Variants in SLC25A21 observed in about 807,000 individuals in gnomAD.
The protein encoded by SLC25A21 is mitochondrial 2-oxodicarboxylate carrier.
SLC25A21 carries 47 observed loss-of-function variants against 43.8 expected under a neutral mutation model. The observed-to-expected ratio is 1.07, with a 90% CI of 0.85 to 1.37. The LOEUF is 1.37. SLC25A21 is among the 40% of genes most tolerant of loss of function. The probability of loss-of-function intolerance (pLI) is 0.00; values close to 1 mark genes in which losing one functional copy is unlikely to be tolerated. For missense variants in SLC25A21, 352 were observed against 350.2 expected, an observed-to-expected ratio of 1.00 and a Z score of -0.04; for synonymous variants, 131 against 121.3, an observed-to-expected ratio of 1.08 and a Z score of -0.52.
chr14:37,072,179 C>CA (rs36060373), intron 1 of SLC25A21, among the ~76,000 whole-genome samples: 29,816 of 78,718 alleles, frequency 0.38, 5,065 homozygotes, highest in East Asian at 0.48. Flanking sequence ...GAGACTGTCT[C>CA]AAAAAAAAAA....
intron 1 of SLC25A21, among the ~76,000 whole-genome samples, chr14:37,170,355 T>C (rs1038718320): frequency 5.9e-5 from 9 of 152,146 alleles, no homozygotes; most frequent in African/African-American, 2.2e-4. Context: ...ACTTTTAACA[T>C]TCTTTGAGTT....
At chr14:36,740,563 A>G (rs2139239246) in intron 3 of SLC25A21, among the ~76,000 whole-genome samples, 1 of 152,328 alleles carries the variant, frequency 6.6e-6, no homozygotes, top group African/African-American at 2.4e-5. Context: ...GCTCACACAT[A>G]GCTTATTTGA....
intron 7 of SLC25A21, among the ~76,000 whole-genome samples, chr14:36,692,847 C>G (rs1001020268): frequency 2.0e-5 from 3 of 152,214 alleles, no homozygotes; most frequent in Middle Eastern, 3.2e-3. Context: ...CATGTCAGCC[C>G]AAATCACATT....
intron 1 of SLC25A21, among the ~76,000 whole-genome samples, chr14:37,123,557 C>T (rs1386473616): frequency 6.6e-6 from 1 of 151,892 alleles, no homozygotes; most frequent in Non-Finnish European, 1.5e-5. Context: ...AATCATATAG[C>T]CAACAAGGTT....
At chr14:36,749,832 T>C (rs1167540369) in intron 3 of SLC25A21, among the ~76,000 whole-genome samples, 2 of 152,210 alleles carry the variant, frequency 1.3e-5, no homozygotes, top group Admixed American at 1.3e-4. Context: ...TTATTCTATT[T>C]AATGTTGCAG....
chr14:36,699,548 C>T (rs1420083860), intron 7 of SLC25A21, among the ~76,000 whole-genome samples: 4 of 152,168 alleles, frequency 2.6e-5, no homozygotes, highest in Non-Finnish European at 4.4e-5. Flanking sequence ...CTATGCCTTA[C>T]CCACAGAGGT....
At chr14:37,021,098 T>C (rs75814745) in intron 1 of SLC25A21, among the ~76,000 whole-genome samples, 3,682 of 152,090 alleles carry the variant, frequency 0.024, 159 homozygotes, top group African/African-American at 0.084. Flanking sequence ...ACCTTATATA[T>C]TACCCTGTTC....
chr14:37,121,798 CAA>C (rs10706578), intron 1 of SLC25A21, among the ~76,000 whole-genome samples: 1 of 151,518 alleles, frequency 6.6e-6, no homozygotes, highest in East Asian at 2.0e-4. Context: ...CAAAAAGAAC[CAA>C]AAAAAAACAA....
chr14:36,877,779 A>T (rs974351886), intron 1 of SLC25A21, among the ~76,000 whole-genome samples: 3 of 152,102 alleles, frequency 2.0e-5, no homozygotes, highest in Non-Finnish European at 4.4e-5. Context: ...GCATTACAGC[A>T]GCCTAGGGTT....
Position 37,161,727 on chromosome 14 carries a change from G to A in SLC25A21, c.70+10554C>T, listed in dbSNP as rs562520910. Among the ~76,000 whole-genome samples, 14 of 152,020 alleles carry A rather than the reference G, an allele frequency of 9.2e-5. 1 individual carries two copies. The highest frequency in any genetic ancestry group is 2.7e-4 in the African/African-American group (11 of 41,492). ...TGTAATCCCAGCGCTTTGGGAGGCC[G>A]AGGCGGGCGAATCACAAGGTCAGGA... On this transcript the variant is annotated intron_variant, in intron 1 of 9. Transcript: ENST00000331299.
At chr14:36,871,610 A>G (rs541271671) in intron 2 of SLC25A21, among the ~76,000 whole-genome samples, 4 of 152,312 alleles carry the variant, frequency 2.6e-5, no homozygotes, top group African/African-American at 9.6e-5. Context: ...CTATTTTGAT[A>G]AATATTAAAA....
At chr14:36,902,322 C>T (rs985669891) in intron 1 of SLC25A21, among the ~76,000 whole-genome samples, 1 of 152,132 alleles carries the variant, frequency 6.6e-6, no homozygotes, top group African/African-American at 2.4e-5. Flanking sequence ...CAGAGTCCAG[C>T]CATCCCAGTG....
intron 1 of SLC25A21, among the ~76,000 whole-genome samples, chr14:37,057,795 T>C (rs1007567926): frequency 5.3e-5 from 8 of 152,356 alleles, no homozygotes; most frequent in Admixed American, 1.3e-4. Flanking sequence ...CCTTTTGTCA[T>C]TTTGAGAGCG....
At chr14:36,909,777 A>G (rs1004656468) in intron 1 of SLC25A21, among the ~76,000 whole-genome samples, 2 of 152,202 alleles carry the variant, frequency 1.3e-5, no homozygotes, top group African/African-American at 4.8e-5. Context: ...TGTCCTGTAA[A>G]TTTTTATCAA....
chr14:36,728,085 T>C (rs1884671963), intron 5 of SLC25A21, among the ~76,000 whole-genome samples: 1 of 152,200 alleles, frequency 6.6e-6, no homozygotes, highest in Non-Finnish European at 1.5e-5. Context: ...GTTACGTAGG[T>C]TGTTCCAGAA....
At chr14:37,047,084 G>A (rs927694537) in intron 1 of SLC25A21, among the ~76,000 whole-genome samples, 41 of 152,106 alleles carry the variant, frequency 2.7e-4, no homozygotes, top group East Asian at 1.2e-3. Context: ...CAATTTAACC[G>A]GAGTCTTCCT....
At chr14:36,979,020 T>C (rs978741291) in intron 1 of SLC25A21, among the ~76,000 whole-genome samples, 1 of 152,080 alleles carries the variant, frequency 6.6e-6, no homozygotes, top group Non-Finnish European at 1.5e-5. Flanking sequence ...CCCAGAAGGT[T>C]GAGGCTGCAG....
At chr14:37,011,042 C>A (rs1193746500) in intron 1 of SLC25A21, among the ~76,000 whole-genome samples, 3 of 152,082 alleles carry the variant, frequency 2.0e-5, no homozygotes, top group African/African-American at 7.2e-5. Flanking sequence ...GCGTGCCACC[C>A]TGCCCAGCTA....
At chr14:37,144,804 A>G (rs1253415696) in intron 1 of SLC25A21, among the ~76,000 whole-genome samples, 1 of 150,500 alleles carries the variant, frequency 6.6e-6, no homozygotes, top group Non-Finnish European at 1.5e-5. Flanking sequence ...TTGTTTTTTT[A>G]GTATTTTTAG....
Sources: gnomAD v4.1 joint callset for allele counts (sites outside exome capture counted in the v4.1 genomes callset) on GRCh38, gnomAD v4.1.1 for gene constraint, MANE v1.5 for transcripts, NCBI Gene and HGNC (gene_info 2026-07-23, HGNC 2026-07-21) for gene names.